The following NSL1 variants were observed in gnomAD, a reference collection of about 807,000 sequenced individuals.
The protein encoded by NSL1 is NSL1 component of MIS12 kinetochore complex, also known as kinetochore-associated protein NSL1 homolog.
A neutral mutation model predicts 25.4 loss-of-function variants in NSL1; 11 were observed. The observed-to-expected ratio is 0.43, with a 90% CI of 0.27 to 0.72. The LOEUF is 0.72. Ranked by LOEUF, NSL1 falls within the 30% of genes least tolerant of loss-of-function variation. The pLI, the probability that NSL1 is intolerant of heterozygous loss-of-function variation, is 0.19. For missense variants in NSL1, 330 were observed against 342.7 expected (o/e 0.96, Z 0.29); for synonymous variants, 118 against 120.6 (o/e 0.98, Z 0.14).
At chr1:212,758,725 A>G (rs1315833683) in intron 4 of NSL1, among the ~76,000 whole-genome samples, 1 of 152,224 alleles carries the variant, frequency 6.6e-6, no homozygotes, top group East Asian at 1.9e-4. Flanking sequence ...CTACAATTTC[A>G]ACACAATTCC....
In NSL1 at chr1:212,729,498, G is replaced by A; in HGVS notation, c.*8910C>T. On this transcript the variant is annotated 3_prime_UTR_variant, in exon 6 of 6. Transcript: ENST00000366977. ...CTGGGAAAGATCCTGAGGCTCTGGAGCTGGGGTGTATGGGACCTGGAGCAG... is the reference window on the plus strand; with the variant it reads ...CTGGGAAAGATCCTGAGGCTCTGGAACTGGGGTGTATGGGACCTGGAGCAG... 1 of 985,388 alleles carries A rather than the reference G, an allele frequency of 1.0e-6. No individual in the cohort carries two copies. The highest frequency in any genetic ancestry group is 1.2e-6 in the Non-Finnish European group (1 of 829,892). The allele number at this position is 985,388 out of a possible 1,614,324, so 61.0% of individuals were successfully genotyped here.
intron 4 of NSL1, among the ~76,000 whole-genome samples, chr1:212,755,997 T>A (rs1659290315): frequency 6.6e-6 from 1 of 152,162 alleles, no homozygotes; most frequent in African/African-American, 2.4e-5. Flanking sequence ...TTTATTCCTG[T>A]AACAATTATA....
Position 212,735,320 on chromosome 1 carries a change from C to T in NSL1, c.*3088G>A. On this transcript the variant is annotated 3_prime_UTR_variant, in exon 6 of 6. Transcript: ENST00000366977. ...TCTGACTTTTGATCCGAGTAGGTGT[C>T]CAACTGTATGTGTTGAACAGATGAA... The T allele has an allele frequency of 2.0e-6, 2 of 985,252 alleles. No individual in the cohort carries two copies. The highest frequency in any genetic ancestry group is 2.4e-6 in the Non-Finnish European group (2 of 829,854). 61.0% of individuals were successfully genotyped at this position (985,252 alleles called of 1,614,324 possible). A position where few individuals can be genotyped will look rare whatever the true frequency, so the allele number is the denominator to read the frequency against.
chr1:212,781,895 G>T, intron 4 of NSL1: 1 of 294,164 alleles, frequency 3.4e-6, no homozygotes, highest in Non-Finnish European at 6.8e-6. Flanking sequence ...ACATATAAAT[G>T]GAAACAAAAC....
At chr1:212,768,760 T>A (rs1253732499) in intron 4 of NSL1, among the ~76,000 whole-genome samples, 2 of 152,150 alleles carry the variant, frequency 1.3e-5, no homozygotes, top group African/African-American at 4.8e-5. Context: ...AGACTACATT[T>A]TGGGTACAGT....
At chr1:212,771,091 A>G (rs1660083274) in intron 4 of NSL1, among the ~76,000 whole-genome samples, 1 of 152,212 alleles carries the variant, frequency 6.6e-6, no homozygotes, top group Non-Finnish European at 1.5e-5. Flanking sequence ...AGGCAGGCGG[A>G]TCACCTGAGA....
intron 4 of NSL1, among the ~76,000 whole-genome samples, chr1:212,777,724 G>A (rs1436549069): frequency 6.6e-6 from 1 of 152,146 alleles, no homozygotes; most frequent in South Asian, 2.1e-4. Flanking sequence ...AAGACACAAA[G>A]AAAGTTTCAA....
intron 4 of NSL1, 114 bp from the exon 5 acceptor site, chr1:212,739,715 G>C: frequency 2.2e-6 from 2 of 896,176 alleles, no homozygotes; most frequent in South Asian, 3.2e-5. Flanking sequence ...AAATCTGCTA[G>C]GACGATTCAC....
In NSL1 at chr1:212,738,072, A is replaced by C; in HGVS notation, c.*336T>G. On this transcript the variant is annotated 3_prime_UTR_variant, in exon 6 of 6. Coordinates refer to ENST00000366977, the MANE Select transcript of NSL1 (RefSeq NM_015471.4). ...GATGTATACCAGGGAAACACAACAG[A>C]ATTTGTTACTTGTTAAATCCCACAA... The C allele has an allele frequency of 9.9e-7, 1 of 1,012,724 alleles. No homozygotes were observed. The highest frequency in any genetic ancestry group is 1.2e-6 in the Non-Finnish European group (1 of 847,990). 62.7% of individuals were successfully genotyped at this position (1,012,724 alleles called of 1,614,324 possible).
chr1:212,771,969 G>A (rs1474613993), intron 4 of NSL1, among the ~76,000 whole-genome samples: 1 of 152,128 alleles, frequency 6.6e-6, no homozygotes, highest in Non-Finnish European at 1.5e-5. Context: ...TTGAATCATG[G>A]GGGCGGTTTC....
chr1:212,786,476 T>C (rs1660951569), intron 2 of NSL1, among the ~76,000 whole-genome samples: 1 of 151,894 alleles, frequency 6.6e-6, no homozygotes, highest in East Asian at 1.9e-4. Flanking sequence ...GAACATGCTT[T>C]CTTAGCACTA....
chr1:212,786,867 G>C (rs1660968687), intron 2 of NSL1, among the ~76,000 whole-genome samples: 1 of 152,130 alleles, frequency 6.6e-6, no homozygotes, highest in Non-Finnish European at 1.5e-5. Flanking sequence ...ATATTTCATA[G>C]GTGCCTACTA....
rs997589808 is a variant in NSL1, at chr1:212,728,567, G to A, written c.*9841C>T. ...ATTTTTTCAAATCAGATTTACAGAG[G>A]GATAGAAATGAGAAAAGGAGTTTTA... On this transcript the variant is annotated 3_prime_UTR_variant, in exon 6 of 6. Transcript: ENST00000366977. 7.1e-6 allele frequency: 7 copies of A among 985,284 alleles called. No individual in the cohort carries two copies. In the African/African-American group the frequency reaches 1.2e-4, roughly 17 times the overall value. The allele number at this position is 985,284 out of a possible 1,614,324, so 61.0% of individuals were successfully genotyped here.
chr1:212,731,955 A>G lies in NSL1; in HGVS notation c.*6453T>C, dbSNP rs1658032572. 5.1e-6 allele frequency: 5 copies of G among 984,068 alleles called. No individual in the cohort carries two copies. The South Asian group carries it at 2.4e-4, about 46-fold the overall frequency. The allele number at this position is 984,068 out of a possible 1,614,324, so 61.0% of individuals were successfully genotyped here. On this transcript the variant is annotated 3_prime_UTR_variant, in exon 6 of 6. Transcript: ENST00000366977. Reference sequence around the variant, plus strand: ...CACCTTACTGCTTTAACCAATGTCCATCTAACTGTTCAGTGCCTGTGCTGT... The same window carrying G: ...CACCTTACTGCTTTAACCAATGTCCGTCTAACTGTTCAGTGCCTGTGCTGT...
In NSL1 at chr1:212,730,254, A is replaced by G. The variant is rs919901606; in HGVS notation, c.*8154T>C. 2.0e-6 allele frequency: 2 copies of G among 980,950 alleles called. No individual in the cohort carries two copies. Among genetic ancestry groups the G allele is most frequent in the South Asian group, 4.7e-5 (1 of 21,202 alleles). The allele number at this position is 980,950 out of a possible 1,614,324, so 60.8% of individuals were successfully genotyped here. ...GACAGTCTCAAAAAAAAAAAAAAAA[A>G]AAAAAAAAAAAGAAATGCGCCAAGT... On this transcript the variant is annotated 3_prime_UTR_variant, in exon 6 of 6. Transcript: ENST00000366977.
Position 212,727,929 on chromosome 1 carries a change from G to A in NSL1, c.*10479C>T. On this transcript the variant is annotated 3_prime_UTR_variant, in exon 6 of 6. Coordinates refer to ENST00000366977, the MANE Select transcript of NSL1 (RefSeq NM_015471.4). Reference sequence around the variant, plus strand: ...AATGAGAAGAACCAACGAGGTCGCTGTGGTGTAGCGGTGAGAGCGTCTGAG... The same window carrying A: ...AATGAGAAGAACCAACGAGGTCGCTATGGTGTAGCGGTGAGAGCGTCTGAG... 1.0e-6 allele frequency: 1 copy of A among 985,468 alleles called. No individual in the cohort carries two copies. Among genetic ancestry groups the A allele is most frequent in the Non-Finnish European group, 1.2e-6 (1 of 829,932 alleles). 61.0% of individuals were successfully genotyped at this position (985,468 alleles called of 1,614,324 possible). A position where few individuals can be genotyped will look rare whatever the true frequency, so the allele number is the denominator to read the frequency against.
Position 212,738,690 on chromosome 1 carries a change from C to CAA in NSL1, c.568-6_568-5dup, listed in dbSNP as rs780397467. On this transcript the variant is annotated splice_polypyrimidine_tract_variant and splice_region_variant and intron_variant, in intron 5 of 5. Coordinates refer to ENST00000366977, the MANE Select transcript of NSL1 (RefSeq NM_015471.4). Reference sequence around the variant, plus strand: ...GTTCAATTAATGCAGGCAAGGACTTCAAACAAACAAACAGTAATATTCAAC... The same window carrying CAA: ...GTTCAATTAATGCAGGCAAGGACTTCAAAAACAAACAAACAGTAATATTCAAC... 6.2e-7 allele frequency: 1 copy of CAA among 1,606,962 alleles called. No homozygotes were observed. The highest frequency in any genetic ancestry group is 1.3e-5 in the African/African-American group (1 of 74,652).
intron 1 of NSL1, among the ~76,000 whole-genome samples, chr1:212,790,724 C>T (rs1571931992): frequency 6.6e-6 from 1 of 151,972 alleles, no homozygotes; most frequent in African/African-American, 2.4e-5. Context: ...AGATCGAGAC[C>T]ATGCTGGCTA....
At position 212,730,212 on chromosome 1, in the gene NSL1, T is replaced by G; in HGVS notation, c.*8196A>C. ...TTGCAGTGAGTTGAGATCGCTCCACTACACTCCAGCCTGGGTGACAGTCTC... is the reference window on the plus strand; with the variant it reads ...TTGCAGTGAGTTGAGATCGCTCCACGACACTCCAGCCTGGGTGACAGTCTC... On this transcript the variant is annotated 3_prime_UTR_variant, in exon 6 of 6. Coordinates refer to ENST00000366977, the MANE Select transcript of NSL1 (RefSeq NM_015471.4). 1 of 932,910 alleles carries G rather than the reference T, an allele frequency of 1.1e-6. No homozygotes were observed. Among genetic ancestry groups the G allele is most frequent in the Non-Finnish European group, 1.2e-6 (1 of 812,388 alleles). The allele number at this position is 932,910 out of a possible 1,614,324, so 57.8% of individuals were successfully genotyped here.
Sources: allele counts gnomAD v4.1 joint callset (sites outside exome capture counted in the v4.1 genomes callset), GRCh38; gene constraint gnomAD v4.1.1; transcripts MANE v1.5; gene names NCBI Gene and HGNC (gene_info 2026-07-23, HGNC 2026-07-21).